The following SFMBT2 variants were observed in gnomAD, a reference collection of about 807,000 sequenced individuals.
SFMBT2 encodes the protein Scm like with four mbt domains 2.
A neutral mutation model predicts 110.1 loss-of-function variants in SFMBT2; 38 were observed. The ratio of observed to expected loss-of-function variants is 0.35; its 90% CI spans 0.27 to 0.45. The LOEUF is 0.45. Ranked by LOEUF, SFMBT2 falls within the 20% of genes least tolerant of loss-of-function variation. The pLI is 1.00. For synonymous variants in SFMBT2, 425 were observed against 425.4 expected, an observed-to-expected ratio of 1.00 and a Z score of 0.01; for missense variants, 1,011 against 1,094.9, an observed-to-expected ratio of 0.92 and a Z score of 1.08.
chr10:7,325,128 C>T lies in SFMBT2; in HGVS notation c.437-39174G>A, dbSNP rs144894115. On this transcript the variant is annotated intron_variant, in intron 4 of 20. Coordinates refer to ENST00000397167, the MANE Select transcript of SFMBT2 (RefSeq NM_001387889.1). The stretch of plus-strand genomic sequence containing the variant: ...GATTACAGGTGCCCGCCACCACGTC[C>T]GGCTAATTTTTGTATTTTTAGTAGA... Among the ~76,000 whole-genome samples, 926 of 152,060 alleles carry T rather than the reference C, an allele frequency of 6.1e-3. 12 individuals carry two copies. Among genetic ancestry groups the T allele is most frequent in the African/African-American group, 0.021 (866 of 41,456 alleles).
Position 7,172,844 on chromosome 10 carries a change from T to C in SFMBT2, c.1985-183A>G, listed in dbSNP as rs1392870206. On this transcript the variant is annotated intron_variant, in intron 17 of 20. Coordinates refer to ENST00000397167, the MANE Select transcript of SFMBT2 (RefSeq NM_001387889.1). This position sits in a 1 kb window ranked among gnomAD's most constrained non-coding sequence, Gnocchi z 4.6. ...GCTCCAAAGCTTCAGGTCTGGAAGG[T>C]GTTCGGGCTGAACTTGGCCCGTCCC... is the stretch of plus-strand genomic sequence containing the variant. 6.6e-6 allele frequency among the ~76,000 whole-genome samples: 1 copy of C among 152,190 alleles called. No homozygotes were observed. The highest frequency in any genetic ancestry group is 1.5e-5 in the Non-Finnish European group (1 of 68,024).
chr10:7,231,993 A>C (rs915549853), intron 9 of SFMBT2, among the ~76,000 whole-genome samples: 2 of 152,202 alleles, frequency 1.3e-5, no homozygotes, highest in African/African-American at 4.8e-5. Flanking sequence ...GGCCAGGAAA[A>C]CACATTTTAA....
At chr10:7,318,664 A>G (rs1564437299) in intron 4 of SFMBT2, among the ~76,000 whole-genome samples, 1 of 152,406 alleles carries the variant, frequency 6.6e-6, no homozygotes, top group East Asian at 1.9e-4. Context: ...TTCAGTAAAT[A>G]CACAGCCCAA....
chr10:7,181,954 G>A (rs1363739584), intron 16 of SFMBT2, among the ~76,000 whole-genome samples: 1 of 152,210 alleles, frequency 6.6e-6, no homozygotes, highest in Non-Finnish European at 1.5e-5. Context: ...TTGATCACTT[G>A]ATCCTTACAT....
chr10:7,229,730 T>A (rs150119278), intron 9 of SFMBT2, among the ~76,000 whole-genome samples: 1 of 150,890 alleles, frequency 6.6e-6, no homozygotes, highest in East Asian at 1.9e-4. Flanking sequence ...TGTTGTTGTT[T>A]TTTTTTTTGT....
chr10:7,209,936 C>T (rs536376407), intron 11 of SFMBT2, among the ~76,000 whole-genome samples: 7 of 152,298 alleles, frequency 4.6e-5, no homozygotes, highest in African/African-American at 1.4e-4. Context: ...TACATAAATA[C>T]GGTATTGCCA....
At chr10:7,247,237 C>T (rs1239322537) in intron 8 of SFMBT2, among the ~76,000 whole-genome samples, 1 of 152,146 alleles carries the variant, frequency 6.6e-6, no homozygotes, top group Non-Finnish European at 1.5e-5. Context: ...CTGCCTCAGC[C>T]TCCCAAGAAG....
At chr10:7,217,359 T>A (rs1426358788) in intron 11 of SFMBT2, among the ~76,000 whole-genome samples, 1 of 152,150 alleles carries the variant, frequency 6.6e-6, no homozygotes, top group Non-Finnish European at 1.5e-5. Flanking sequence ...TTCTTAAAAA[T>A]GAAAAATTTT....
chr10:7,160,915 C>A lies in SFMBT2; in HGVS notation c.*2855G>T, dbSNP rs1837533758. On this transcript the variant is annotated 3_prime_UTR_variant, in exon 21 of 21. Transcript: ENST00000397167. ...AAAAGCACCTCCTGGGTCCTAAAATCTTTCTGGGCTCTCCTCAAGGACCGG... is the reference window on the plus strand; with the variant it reads ...AAAAGCACCTCCTGGGTCCTAAAATATTTCTGGGCTCTCCTCAAGGACCGG... 1 of 152,252 alleles carries A rather than the reference C, an allele frequency of 6.6e-6. No individual in the cohort carries two copies. The highest frequency in any genetic ancestry group is 2.4e-5 in the African/African-American group (1 of 41,466). The allele number at this position is 152,252 out of a possible 1,614,324, so 9.4% of individuals were successfully genotyped here. A position where few individuals can be genotyped will look rare whatever the true frequency, so the allele number is the denominator to read the frequency against.
In SFMBT2 at chr10:7,172,409, C is replaced by A; in HGVS notation, c.2151+86G>T. On this transcript the variant is annotated intron_variant, in intron 18 of 20. Transcript: ENST00000397167. The surrounding 1 kb of genome is among the most constrained non-coding windows in gnomAD (Gnocchi z 4.6). Reference sequence around the variant, plus strand: ...GACCATCTTGCCACAATCTCCAGGGCCACCTCTGCTGTGAAGCAGCCACAC... The same window carrying A: ...GACCATCTTGCCACAATCTCCAGGGACACCTCTGCTGTGAAGCAGCCACAC... The A allele has an allele frequency of 6.3e-7, 1 of 1,595,172 alleles. No homozygotes were observed.
chr10:7,363,626 G>A (rs1311958746), intron 4 of SFMBT2, among the ~76,000 whole-genome samples: 1 of 152,084 alleles, frequency 6.6e-6, no homozygotes, highest in Non-Finnish European at 1.5e-5. Flanking sequence ...GATTACAGGC[G>A]TGAGCCACCA....
chr10:7,289,111 C>T (rs1564423749), intron 4 of SFMBT2, among the ~76,000 whole-genome samples: 3 of 152,016 alleles, frequency 2.0e-5, no homozygotes, highest in African/African-American at 7.3e-5. Flanking sequence ...ACAGATAAAT[C>T]AGTAATTTAA....
intron 4 of SFMBT2, among the ~76,000 whole-genome samples, chr10:7,342,577 AT>A (rs1843956966): frequency 6.6e-6 from 1 of 151,516 alleles, no homozygotes; most frequent in South Asian, 2.1e-4. Flanking sequence ...CCCAGCTAAT[AT>A]TTTTGAATTT....
rs375750979 is a variant in SFMBT2, at chr10:7,163,733, C to T, written c.*37G>A. On this transcript the variant is annotated 3_prime_UTR_variant, in exon 21 of 21. Transcript: ENST00000397167. This position sits in a 1 kb window ranked among gnomAD's most constrained non-coding sequence, Gnocchi z 4.8. ...GTCCTGGAAACCTTTACCAACACCG[C>T]ATCCCAGCAATAATGGGCCACCTCC... 5.7e-6 allele frequency: 9 copies of T among 1,581,808 alleles called. No individual in the cohort carries two copies. The African/African-American group carries it at 1.2e-4, about 21-fold the overall frequency.
chr10:7,364,582 A>C (rs2764390), intron 4 of SFMBT2, among the ~76,000 whole-genome samples: 1 of 152,152 alleles, frequency 6.6e-6, no homozygotes, highest in Non-Finnish European at 1.5e-5. Flanking sequence ...ACTTGTCTCT[A>C]AAACTATTCA....
chr10:7,383,698 C>T (rs1845494006), intron 1 of SFMBT2, among the ~76,000 whole-genome samples: 1 of 152,164 alleles, frequency 6.6e-6, no homozygotes, highest in Non-Finnish European at 1.5e-5. Flanking sequence ...GACAGTGCAA[C>T]AGAGAAGGCC....
At chr10:7,164,310 C>T (rs1337796414) in intron 20 of SFMBT2, 1 of 686,414 alleles carries the variant, frequency 1.5e-6, no homozygotes, top group African/African-American at 1.9e-5. Context: ...CACCTGAACC[C>T]AGGAGTTTGA....
intron 4 of SFMBT2, among the ~76,000 whole-genome samples, chr10:7,364,781 T>C (rs927080064): frequency 6.6e-6 from 1 of 152,178 alleles, no homozygotes; most frequent in Admixed American, 6.5e-5. Context: ...CCCCCAAGTG[T>C]GTACACGGCC....
chr10:7,340,020 G>A (rs1202511572), intron 4 of SFMBT2, among the ~76,000 whole-genome samples: 1 of 152,152 alleles, frequency 6.6e-6, no homozygotes, highest in African/African-American at 2.4e-5. Context: ...CAGGTCTGAC[G>A]GGGCATGAGT....
Sources: gnomAD v4.1 joint callset for allele counts (sites outside exome capture counted in the v4.1 genomes callset) on GRCh38, gnomAD v4.1.1 for gene constraint, Gnocchi (gnomAD v3.1) non-coding constraint, MANE v1.5 for transcripts, NCBI Gene and HGNC (gene_info 2026-07-23, HGNC 2026-07-21) for gene names.